The following LRRC4C variants were observed in gnomAD, a reference collection of about 807,000 sequenced individuals.
LRRC4C encodes the protein leucine-rich repeat-containing protein 4C.
Under a neutral mutation model 33.6 loss-of-function variants are expected in LRRC4C, and 5 were observed. The observed-to-expected ratio is 0.15, with a 90% CI of 0.08 to 0.31. LRRC4C has a LOEUF of 0.31. Ranked by LOEUF, LRRC4C falls within the 10% of genes least tolerant of loss-of-function variation. The probability of loss-of-function intolerance (pLI) is 1.00; values close to 1 mark genes in which losing one functional copy is unlikely to be tolerated. For missense variants in LRRC4C, 560 were observed against 796.7 expected (o/e 0.70, Z 3.58); for synonymous variants, 329 against 302.0 (o/e 1.09, Z -0.93).
intron 4 of LRRC4C, among the ~76,000 whole-genome samples, chr11:40,247,913 C>T (rs4756586): frequency 0.75 from 114,164 of 152,116 alleles, 46,556 homozygotes; most frequent in East Asian, 0.95. Context: ...CTCTCCTTAG[C>T]AGAAAATGAT....
intron 1 of LRRC4C, among the ~76,000 whole-genome samples, chr11:41,264,743 G>A (rs947706012): frequency 2.0e-5 from 3 of 152,074 alleles, no homozygotes; most frequent in African/African-American, 7.2e-5. Flanking sequence ...TGCCCTTAAG[G>A]AGCTTAAAAC....
intron 3 of LRRC4C, among the ~76,000 whole-genome samples, chr11:40,495,605 A>T (rs1488166294): frequency 6.6e-6 from 1 of 152,136 alleles, no homozygotes; most frequent in Non-Finnish European, 1.5e-5. Flanking sequence ...GATCATTAAC[A>T]ACATAGCGGG....
At chr11:40,551,451 T>C (rs1187470984) in intron 3 of LRRC4C, among the ~76,000 whole-genome samples, 1 of 152,130 alleles carries the variant, frequency 6.6e-6, no homozygotes, top group Non-Finnish European at 1.5e-5. Context: ...ACCTGCTATA[T>C]GCCAGACATT....
chr11:41,186,857 T>C (rs1945715716), intron 1 of LRRC4C, among the ~76,000 whole-genome samples: 1 of 152,222 alleles, frequency 6.6e-6, no homozygotes, highest in Admixed American at 6.5e-5. Context: ...GGATTTTCTA[T>C]GGCTTTAGCT....
intron 1 of LRRC4C, among the ~76,000 whole-genome samples, chr11:41,407,756 G>A (rs1045510516): frequency 5.3e-5 from 8 of 152,130 alleles, no homozygotes; most frequent in African/African-American, 1.7e-4. Flanking sequence ...GTCTTGGTAC[G>A]ATTCTTATTT....
At chr11:40,604,818 G>A (rs1038118145) in intron 3 of LRRC4C, among the ~76,000 whole-genome samples, 1 of 151,910 alleles carries the variant, frequency 6.6e-6, no homozygotes, top group Admixed American at 6.6e-5. Flanking sequence ...AAAAAAGGTA[G>A]CATGAAGGGA....
chr11:41,009,473 G>C (rs1032867738), intron 1 of LRRC4C, among the ~76,000 whole-genome samples: 4 of 152,036 alleles, frequency 2.6e-5, no homozygotes, highest in African/African-American at 9.7e-5. Flanking sequence ...GCAAGAGGTT[G>C]TGAGCTTTGC....
intron 4 of LRRC4C, among the ~76,000 whole-genome samples, chr11:40,249,332 C>T (rs1866593957): frequency 6.6e-6 from 1 of 151,780 alleles, no homozygotes; most frequent in Admixed American, 6.6e-5. Context: ...AGTGAGACTC[C>T]ATCTCAAAAA....
Position 41,255,121 on chromosome 11 carries a change from A to G in LRRC4C, c.-496+204310T>C, listed in dbSNP as rs187051642. ...ATACTATACCATTCCCTAAAAGCTC[A>G]ACAAGGCTTGGAATTTTCCCCTGCC... On this transcript the variant is annotated intron_variant, in intron 1 of 6. Coordinates refer to ENST00000528697, the MANE Select transcript of LRRC4C (RefSeq NM_001258419.2). Among the ~76,000 whole-genome samples, 9 of 152,178 alleles carry G rather than the reference A, an allele frequency of 5.9e-5. No homozygotes were observed. The East Asian group carries it at 1.4e-3, about 23-fold the overall frequency.
At chr11:40,442,169 A>AG in intron 3 of LRRC4C, among the ~76,000 whole-genome samples, 1 of 149,488 alleles carries the variant, frequency 6.7e-6, no homozygotes, top group Non-Finnish European at 1.5e-5. Flanking sequence ...TTTCAAAAAA[A>AG]AAAAAAAAAA....
At chr11:41,130,703 C>A (rs1338386417) in intron 1 of LRRC4C, among the ~76,000 whole-genome samples, 1 of 151,806 alleles carries the variant, frequency 6.6e-6, no homozygotes, top group African/African-American at 2.4e-5. Context: ...AAAGCTTAGG[C>A]CATTTTTTAA....
At chr11:40,236,352 AATT>A (rs1865556093) in intron 5 of LRRC4C, among the ~76,000 whole-genome samples, 1 of 152,136 alleles carries the variant, frequency 6.6e-6, no homozygotes, top group Non-Finnish European at 1.5e-5. Context: ...ACTCCTCTGT[AATT>A]ATTATTTTCC....
intron 3 of LRRC4C, among the ~76,000 whole-genome samples, chr11:40,499,613 T>A (rs891285717): frequency 3.3e-5 from 5 of 152,292 alleles, no homozygotes; most frequent in Middle Eastern, 6.8e-3. Context: ...AATGTATTGA[T>A]GATTATGGAG....
intron 1 of LRRC4C, among the ~76,000 whole-genome samples, chr11:41,291,069 C>T (rs1009176217): frequency 1.3e-5 from 2 of 152,076 alleles, no homozygotes; most frequent in South Asian, 2.1e-4. Flanking sequence ...ATAAATTTTC[C>T]TCTATCAAAA....
At chr11:41,137,117 G>A (rs569555213) in intron 1 of LRRC4C, among the ~76,000 whole-genome samples, 74 of 152,150 alleles carry the variant, frequency 4.9e-4, no homozygotes, top group Admixed American at 1.1e-3. Flanking sequence ...GTATGGTGGC[G>A]TGTCCCTGTA....
At chr11:41,444,779 T>A (rs1240256560) in intron 1 of LRRC4C, among the ~76,000 whole-genome samples, 1 of 151,682 alleles carries the variant, frequency 6.6e-6, no homozygotes, top group African/African-American at 2.4e-5. Context: ...TGAGTCATAT[T>A]AGTATCAGGA....
At chr11:40,311,115 C>T (rs1445279816) in intron 4 of LRRC4C, among the ~76,000 whole-genome samples, 1 of 152,196 alleles carries the variant, frequency 6.6e-6, no homozygotes, top group African/African-American at 2.4e-5. Context: ...CTTTTCAAAA[C>T]TCAACTCATC....
chr11:40,787,269 G>T (rs1268295099), intron 2 of LRRC4C, among the ~76,000 whole-genome samples: 1 of 151,946 alleles, frequency 6.6e-6, no homozygotes, highest in Non-Finnish European at 1.5e-5. Context: ...ACTGGGGGGG[G>T]TAGGGGGAGG....
intron 2 of LRRC4C, among the ~76,000 whole-genome samples, chr11:40,665,325 A>AAATAT (rs1943712197): frequency 1.5e-4 from 2 of 13,450 alleles, no homozygotes; most frequent in African/African-American, 5.5e-4. Context: ...AAAAAAAAAA[A>AAATAT]ATATATATAT....
Sources: gnomAD v4.1 joint callset for allele counts (sites outside exome capture counted in the v4.1 genomes callset) on GRCh38, gnomAD v4.1.1 for gene constraint, MANE v1.5 for transcripts, NCBI Gene and HGNC (gene_info 2026-07-23, HGNC 2026-07-21) for gene names.